Variants in PPFIA2 observed in about 807,000 individuals in gnomAD.
PPFIA2 encodes PPFI scaffold protein A2, also known as liprin-alpha-2.
A neutral mutation model predicts 175.5 loss-of-function variants in PPFIA2; 46 were observed. The ratio of observed to expected loss-of-function variants is 0.26; its 90% confidence interval spans 0.21 to 0.34. PPFIA2 has a LOEUF of 0.34. Ranked by LOEUF, PPFIA2 falls within the 10% of genes least tolerant of loss-of-function variation. The pLI, the probability that PPFIA2 is intolerant of heterozygous loss-of-function variation, is 1.00. For missense variants in PPFIA2, 1,179 were observed against 1,506.1 expected, an observed-to-expected ratio of 0.78 and a Z score of 3.60; for synonymous variants, 568 against 511.4, an observed-to-expected ratio of 1.11 and a Z score of -1.49.
At chr12:81,583,410 T>C (rs1216298837) in intron 4 of PPFIA2, among the ~76,000 whole-genome samples, 1 of 151,906 alleles carries the variant, frequency 6.6e-6, no homozygotes, top group East Asian at 1.9e-4. Flanking sequence ...ATGTGCTAGC[T>C]CTTAACCTCA....
chr12:81,677,945 A>C (rs1450477503), intron 3 of PPFIA2, among the ~76,000 whole-genome samples: 1 of 151,994 alleles, frequency 6.6e-6, no homozygotes, highest in East Asian at 1.9e-4. Context: ...TTGCAATTCT[A>C]GGTTTTAAAG....
chr12:81,336,923 G>A (rs2057224721), intron 21 of PPFIA2, among the ~76,000 whole-genome samples: 1 of 152,088 alleles, frequency 6.6e-6, no homozygotes, highest in Non-Finnish European at 1.5e-5. Flanking sequence ...AGGTTCCTCA[G>A]ATGCATGAAT....
intron 4 of PPFIA2, among the ~76,000 whole-genome samples, chr12:81,637,273 T>C (rs1242525065): frequency 1.5e-5 from 1 of 66,546 alleles, no homozygotes. Context: ...TTTTTTTTTT[T>C]TTTTTTTTTT....
At chr12:81,551,737 A>G (rs1362677862) in intron 4 of PPFIA2, among the ~76,000 whole-genome samples, 1 of 151,944 alleles carries the variant, frequency 6.6e-6, no homozygotes, top group Non-Finnish European at 1.5e-5. Context: ...TTATTTTAGA[A>G]GTGATTTTTG....
chr12:81,378,556 A>G (rs1464262650), intron 9 of PPFIA2, among the ~76,000 whole-genome samples: 1 of 152,124 alleles, frequency 6.6e-6, no homozygotes, highest in Non-Finnish European at 1.5e-5. Context: ...TCTACTTTAC[A>G]TATTTTTTAT....
intron 4 of PPFIA2, chr12:81,535,339 C>T: frequency 2.2e-6 from 1 of 452,134 alleles, no homozygotes; most frequent in African/African-American, 2.0e-5. Context: ...AGTTTGGGAA[C>T]TCTTGATTAT....
intron 4 of PPFIA2, among the ~76,000 whole-genome samples, chr12:81,508,462 G>T (rs2061417128): frequency 7.1e-6 from 1 of 141,198 alleles, no homozygotes; most frequent in African/African-American, 2.7e-5. Context: ...CGGAAGTTGT[G>T]GTGAGCCAAG....
intron 22 of PPFIA2, among the ~76,000 whole-genome samples, chr12:81,324,275 A>T (rs1029695912): frequency 3.3e-5 from 5 of 152,042 alleles, no homozygotes; most frequent in African/African-American, 1.2e-4. Flanking sequence ...TGTTATTTTA[A>T]ATCACTGTAT....
intron 4 of PPFIA2, among the ~76,000 whole-genome samples, chr12:81,547,376 C>CA (rs902832435): frequency 4.0e-5 from 6 of 148,552 alleles, no homozygotes; most frequent in African/African-American, 1.5e-4. Context: ...TTTTTCTTTC[C>CA]TTTTTTTTTT....
At chr12:81,367,194 A>G (rs778763465) in intron 13 of PPFIA2, 24 bp from the exon 14 acceptor site, 5 of 1,296,492 alleles carry the variant, frequency 3.9e-6, no homozygotes, top group Non-Finnish European at 5.1e-6. Flanking sequence ...AATAGCAGAA[A>G]TAATTAATAA....
chr12:81,418,574 G>A (rs570060840), intron 7 of PPFIA2, among the ~76,000 whole-genome samples: 1 of 152,034 alleles, frequency 6.6e-6, no homozygotes, highest in East Asian at 1.9e-4. Context: ...GTCTATGATT[G>A]TTTTCACTCC....
At chr12:81,435,993 C>T (rs2048917874) in intron 7 of PPFIA2, among the ~76,000 whole-genome samples, 2 of 151,688 alleles carry the variant, frequency 1.3e-5, no homozygotes, top group African/African-American at 4.8e-5. Flanking sequence ...AAATCTGAAA[C>T]GTTGCTGGGT....
chr12:81,563,294 A>C (rs984214425), intron 4 of PPFIA2, among the ~76,000 whole-genome samples: 3 of 152,124 alleles, frequency 2.0e-5, no homozygotes, highest in African/African-American at 7.2e-5. Context: ...ATTATACACT[A>C]TTGACAGCAC....
At chr12:81,623,155 T>A (rs1170890715) in intron 4 of PPFIA2, among the ~76,000 whole-genome samples, 1 of 152,100 alleles carries the variant, frequency 6.6e-6, no homozygotes, top group Non-Finnish European at 1.5e-5. Flanking sequence ...CTGATATGTA[T>A]CTATTTTAAT....
intron 24 of PPFIA2, 29 bp downstream of exon 24, chr12:81,294,805 GA>G (rs768776688): frequency 3.7e-6 from 6 of 1,602,346 alleles, no homozygotes; most frequent in Non-Finnish European, 5.1e-6. Flanking sequence ...GCCTAGCACT[GA>G]GGAAGGGGAG....
intron 4 of PPFIA2, among the ~76,000 whole-genome samples, chr12:81,560,162 G>A (rs1031817980): frequency 6.6e-6 from 1 of 151,998 alleles, no homozygotes; most frequent in African/African-American, 2.4e-5. Flanking sequence ...AGATACTAGA[G>A]GTAGTGTGGT....
At chr12:81,536,563 A>T (rs907075131) in intron 4 of PPFIA2, among the ~76,000 whole-genome samples, 1 of 150,872 alleles carries the variant, frequency 6.6e-6, no homozygotes, top group African/African-American at 2.4e-5. Context: ...ATTGAAAAAA[A>T]TCAATTTATT....
intron 24 of PPFIA2, among the ~76,000 whole-genome samples, chr12:81,294,431 A>AAGGT (rs1195830873): frequency 8.0e-6 from 1 of 125,060 alleles, no homozygotes; most frequent in Admixed American, 8.8e-5. Context: ...GGAAGGAAGG[A>AAGGT]AGGTAGGTAG....
intron 9 of PPFIA2, among the ~76,000 whole-genome samples, chr12:81,381,081 A>G (rs988437871): frequency 1.2e-4 from 18 of 151,392 alleles, no homozygotes; most frequent in Admixed American, 2.0e-4. Context: ...CAACGCCATC[A>G]GTTCCTACAG....
Sources: gnomAD v4.1 joint callset for allele counts (sites outside exome capture counted in the v4.1 genomes callset) on GRCh38, gnomAD v4.1.1 for gene constraint, MANE v1.5 for transcripts, NCBI Gene and HGNC (gene_info 2026-07-23, HGNC 2026-07-21) for gene names.